The following RYR3 variants were observed in gnomAD, a reference collection of about 807,000 sequenced individuals.
The protein encoded by RYR3 is ryanodine receptor 3.
A neutral mutation model predicts 584.3 loss-of-function variants in RYR3; 207 were observed. The ratio of observed to expected loss-of-function variants is 0.35; its 90% CI spans 0.32 to 0.40. The LOEUF (loss-of-function observed/expected upper bound fraction) is 0.40. RYR3 is among the 10% of genes least tolerant of loss of function. The pLI is 1.00. For synonymous variants in RYR3, 2,416 were observed against 2,248.5 expected, an observed-to-expected ratio of 1.07 and a Z score of -2.11; for missense variants, 5,616 against 6,089.2, an observed-to-expected ratio of 0.92 and a Z score of 2.59.
At chr15:33,782,091 G>A (rs1174516283) in intron 65 of RYR3, among the ~76,000 whole-genome samples, 13 of 152,194 alleles carry the variant, frequency 8.5e-5, no homozygotes. Context: ...CTTCAACTGT[G>A]ACTTGAGAAA....
At chr15:33,810,725 A>C in intron 71 of RYR3, 76 bp downstream of exon 71, 6 of 1,573,730 alleles carry the variant, frequency 3.8e-6, no homozygotes, top group Non-Finnish European at 5.2e-6. Flanking sequence ...CTGAAGGGTT[A>C]GTCCTCCTCC....
At chr15:33,456,992 A>G (rs2047616231) in intron 1 of RYR3, among the ~76,000 whole-genome samples, 1 of 152,210 alleles carries the variant, frequency 6.6e-6, no homozygotes, top group African/African-American at 2.4e-5. Context: ...TGTGTTCGAC[A>G]AATAGGTAGC....
intron 43 of RYR3, among the ~76,000 whole-genome samples, chr15:33,720,298 G>A (rs749536147): frequency 8.5e-5 from 13 of 152,116 alleles, no homozygotes; most frequent in Non-Finnish European, 1.6e-4. Flanking sequence ...AGACACATTC[G>A]GTATGTTCAA....
intron 48 of RYR3, among the ~76,000 whole-genome samples, chr15:33,735,793 G>A (rs2152828815): frequency 6.6e-6 from 1 of 152,254 alleles, no homozygotes; most frequent in Admixed American, 6.5e-5. Flanking sequence ...TCATAAGGCG[G>A]AGGGCTTTAA....
chr15:33,833,098 A>C (rs111488476), intron 86 of RYR3, among the ~76,000 whole-genome samples: 188 of 152,084 alleles, frequency 1.2e-3, no homozygotes, highest in African/African-American at 4.4e-3. Flanking sequence ...ATTCTGTGTC[A>C]GTGATTTGGA....
chr15:33,401,476 G>A (rs7165303), intron 1 of RYR3, among the ~76,000 whole-genome samples: 95,998 of 152,018 alleles, frequency 0.63, 30,857 homozygotes, highest in African/African-American at 0.75. Context: ...ACTATTCAGC[G>A]CCTATCACTG....
intron 3 of RYR3, among the ~76,000 whole-genome samples, chr15:33,516,061 C>A (rs529798795): frequency 2.6e-5 from 4 of 152,100 alleles, no homozygotes; most frequent in South Asian, 2.1e-4. Flanking sequence ...AACAAAAAAA[C>A]CTTTATTATG....
chr15:33,458,163 A>G (rs1465960952), intron 1 of RYR3, among the ~76,000 whole-genome samples: 1 of 152,152 alleles, frequency 6.6e-6, no homozygotes, highest in Non-Finnish European at 1.5e-5. Context: ...TAGTAAGCTG[A>G]GTAAAGTAAG....
At position 33,421,908 on chromosome 15, in the gene RYR3, C is replaced by T. The variant is rs930826968; in HGVS notation, c.52-51511C>T. On this transcript the variant is annotated intron_variant, in intron 1 of 103. Transcript: ENST00000634891. ...ATTTAGTCCCATAAAATGTGGAAGA[C>T]CTGCTTGGAAACAGACATATTTAGA... 2.6e-5 allele frequency among the ~76,000 whole-genome samples: 4 copies of T among 152,138 alleles called. No homozygotes were observed. In the East Asian group the frequency reaches 7.7e-4, roughly 29 times the overall value.
Position 33,701,005 on chromosome 15 carries a change from G to T in RYR3, c.6408G>T (p.Pro2136=). 1.2e-6 allele frequency: 2 copies of T among 1,613,348 alleles called. No homozygotes were observed. The highest frequency in any genetic ancestry group is 1.7e-6 in the Non-Finnish European group (2 of 1,179,612). ...CCCCGTCGATGAGGGGATCCACCCC[G>T]CTGGATGTGGCAGCTTCCTCTGTGA... ...LASPSMRGST[P]LDVAASSVMD... is the part of the protein sequence containing the mutation. The change falls in exon 42 of 104, where the codon CCG becomes CCT. Residue 2136 remains proline, a synonymous_variant. Transcript: ENST00000634891.
At chr15:33,829,295 C>A (rs2077540226) in intron 85 of RYR3, among the ~76,000 whole-genome samples, 1 of 152,120 alleles carries the variant, frequency 6.6e-6, no homozygotes, top group Non-Finnish European at 1.5e-5. Flanking sequence ...ATTTATTCTG[C>A]AGCCCATGGA....
At chr15:33,813,161 A>G (rs1451054301) in intron 73 of RYR3, among the ~76,000 whole-genome samples, 167 bp downstream of exon 73, 1 of 152,212 alleles carries the variant, frequency 6.6e-6, no homozygotes, top group Non-Finnish European at 1.5e-5. Flanking sequence ...GCCCTGTGAT[A>G]GGAGACCTCT....
chr15:33,722,220 T>G (rs8037864), intron 43 of RYR3, among the ~76,000 whole-genome samples: 30,353 of 152,126 alleles, frequency 0.2, 3,035 homozygotes, highest in Middle Eastern at 0.26. Context: ...TTGCATGCCC[T>G]CATTGAGGTA....
intron 2 of RYR3, among the ~76,000 whole-genome samples, chr15:33,479,381 T>A (rs766002806): frequency 2.4e-4 from 37 of 151,776 alleles, no homozygotes; most frequent in Non-Finnish European, 5.1e-4. Flanking sequence ...CATAGTATTC[T>A]CTATGGACCT....
At chr15:33,636,303 A>T (rs1031167192) in intron 26 of RYR3, 73 bp from the exon 27 acceptor site, 11 of 1,303,810 alleles carry the variant, frequency 8.4e-6, no homozygotes, top group Non-Finnish European at 1.2e-5. Context: ...GATATCGAAG[A>T]TATGGTCATT....
intron 1 of RYR3, among the ~76,000 whole-genome samples, chr15:33,435,086 C>T (rs1024642166): frequency 3.3e-5 from 5 of 152,236 alleles, no homozygotes; most frequent in Non-Finnish European, 7.4e-5. Flanking sequence ...TCCCAAAGTG[C>T]TGGGATTACA....
At chr15:33,447,913 C>G (rs573766212) in intron 1 of RYR3, among the ~76,000 whole-genome samples, 4 of 152,242 alleles carry the variant, frequency 2.6e-5, no homozygotes, top group African/African-American at 9.6e-5. Flanking sequence ...TTTTGAGGCT[C>G]AGTGAATTAA....
At chr15:33,534,358 A>G (rs1423541994) in intron 5 of RYR3, among the ~76,000 whole-genome samples, 1 of 152,238 alleles carries the variant, frequency 6.6e-6, no homozygotes, top group African/African-American at 2.4e-5. Context: ...CCGAGATCGC[A>G]CCATTGCACC....
chr15:33,650,931 G>T (rs79315700), intron 31 of RYR3, among the ~76,000 whole-genome samples: 4,755 of 152,290 alleles, frequency 0.031, 241 homozygotes, highest in African/African-American at 0.11. Context: ...ATCTGGTTTA[G>T]ATTGGAAAGG....
Sources: allele counts gnomAD v4.1 joint callset (sites outside exome capture counted in the v4.1 genomes callset), GRCh38; gene constraint gnomAD v4.1.1; transcripts MANE v1.5; gene names NCBI Gene and HGNC (gene_info 2026-07-23, HGNC 2026-07-21).